The following BRAF variants were observed in gnomAD, a reference collection of about 807,000 sequenced individuals.
BRAF encodes serine/threonine-protein kinase B-raf.
BRAF carries 16 observed loss-of-function variants against 104.6 expected under a neutral mutation model. The observed-to-expected ratio is 0.15, with a 90% CI of 0.10 to 0.23. The LOEUF (loss-of-function observed/expected upper bound fraction) is 0.23, where lower values mean the gene tolerates loss of function less well. Among genes scored for constraint, BRAF ranks in the 10% least tolerant of loss-of-function variants. The probability of loss-of-function intolerance (pLI) is 1.00; values close to 1 mark genes in which losing one functional copy is unlikely to be tolerated. For synonymous variants in BRAF, 310 were observed against 341.6 expected (o/e 0.91, Z 1.02); for missense variants, 541 against 937.3 (o/e 0.58, Z 5.52).
chr7:140,713,821 C>G, the BRAF span, among the ~76,000 whole-genome samples: 1 of 152,170 alleles, frequency 6.6e-6, no homozygotes, highest in African/African-American at 2.4e-5. Context: ...AGTTTTCCTT[C>G]TAACAGACAG....
chr7:140,825,484 C>T (rs1049468151), intron 3 of BRAF, among the ~76,000 whole-genome samples: 1 of 152,102 alleles, frequency 6.6e-6, no homozygotes, highest in Admixed American at 6.5e-5. Context: ...GAAATCTTTG[C>T]CAAACCCCAG....
chr7:140,835,136 T>A, intron 2 of BRAF: 1 of 413,168 alleles, frequency 2.4e-6, no homozygotes, highest in South Asian at 3.9e-5. Context: ...CCATGAATAA[T>A]AAAAAAGCAC....
intron 5 of BRAF, among the ~76,000 whole-genome samples, chr7:140,804,476 T>A (rs1477125228): frequency 2.0e-5 from 3 of 151,874 alleles, no homozygotes; most frequent in African/African-American, 4.8e-5. Flanking sequence ...ATATTTTGTA[T>A]AAAACCAGTT....
intron 17 of BRAF, chr7:140,741,211 T>C (rs1796889191): frequency 6.6e-6 from 1 of 152,162 alleles, no homozygotes. Context: ...ATTCTAGATA[T>C]CATCTAATAC....
At chr7:140,832,951 G>C (rs139985011) in intron 3 of BRAF, among the ~76,000 whole-genome samples, 1,576 of 149,830 alleles carry the variant, frequency 0.011, 29 homozygotes, top group African/African-American at 0.036. Flanking sequence ...TCGGCTCACT[G>C]CAAGCTCCGC....
chr7:140,797,843 A>G (rs1802647033), intron 7 of BRAF, among the ~76,000 whole-genome samples: 1 of 152,164 alleles, frequency 6.6e-6, no homozygotes, highest in Admixed American at 6.5e-5. Flanking sequence ...TTAATTAAAA[A>G]CCAACCAAAT....
intron 14 of BRAF, among the ~76,000 whole-genome samples, chr7:140,765,197 G>A (rs1205172974): frequency 1.3e-5 from 2 of 152,168 alleles, no homozygotes; most frequent in Non-Finnish European, 2.9e-5. Context: ...AAGCAATGGG[G>A]AAAGGATTCC....
intron 1 of BRAF, among the ~76,000 whole-genome samples, chr7:140,861,003 G>T (rs1382926064): frequency 6.6e-6 from 1 of 152,032 alleles, no homozygotes. Flanking sequence ...AAAAGCTAGC[G>T]CTATATTTAT....
chr7:140,720,563 G>C lies in BRAF; in HGVS notation c.*5931C>G, dbSNP rs1795272143. The C allele has an allele frequency of 3.8e-6, 4 of 1,065,290 alleles. No homozygotes were observed. The South Asian group carries it at 1.8e-4, about 48-fold the overall frequency. The allele number at this position is 1,065,290 out of a possible 1,614,324, so 66.0% of individuals were successfully genotyped here. A position where few individuals can be genotyped will look rare whatever the true frequency, so the allele number is the denominator to read the frequency against. The stretch of plus-strand genomic sequence containing the variant: ...TCTTAAAAAAACCGTTCACAGCTTA[G>C]AATAAAAAGCATACTTATTGCACTC... On this transcript the variant is annotated 3_prime_UTR_variant, in exon 20 of 20. Transcript: ENST00000644969.
chr7:140,888,673 T>G (rs1813855971), intron 1 of BRAF, among the ~76,000 whole-genome samples: 1 of 151,962 alleles, frequency 6.6e-6, no homozygotes, highest in Non-Finnish European at 1.5e-5. Context: ...CTGTCTCTAC[T>G]AAAAGTACAA....
chr7:140,823,982 T>C (rs1805747810), intron 3 of BRAF: 1 of 152,210 alleles, frequency 6.6e-6, no homozygotes, highest in Non-Finnish European at 1.5e-5. Flanking sequence ...TCTGTTCAAG[T>C]CCTCTGCCCA....
chr7:140,749,186 A>G (rs1372035729), intron 17 of BRAF, 101 bp downstream of exon 16: 12 of 1,517,866 alleles, frequency 7.9e-6, no homozygotes, highest in Middle Eastern at 2.4e-4. Flanking sequence ...AAATCAAGAA[A>G]TCTATCCTTC....
chr7:140,914,071 T>C (rs1355100841), intron 1 of BRAF, among the ~76,000 whole-genome samples: 6 of 152,072 alleles, frequency 3.9e-5, no homozygotes, highest in African/African-American at 1.4e-4. Context: ...TATTGAACAT[T>C]CAAAACAAAA....
chr7:140,915,453 G>A (rs1274578528), intron 1 of BRAF, among the ~76,000 whole-genome samples: 9 of 145,942 alleles, frequency 6.2e-5, no homozygotes, highest in Admixed American at 4.1e-4. Flanking sequence ...TTTTTGACAC[G>A]GAGTTTCCCT....
intron 1 of BRAF, among the ~76,000 whole-genome samples, chr7:140,865,467 T>TA (rs1447170994): frequency 6.6e-6 from 1 of 152,194 alleles, no homozygotes; most frequent in Non-Finnish European, 1.5e-5. Flanking sequence ...GGTATACATT[T>TA]AAAGCACTAC....
chr7:140,855,281 A>C (rs1328086468), intron 1 of BRAF, among the ~76,000 whole-genome samples: 1 of 152,126 alleles, frequency 6.6e-6, no homozygotes, highest in Non-Finnish European at 1.5e-5. Flanking sequence ...ACAATCCTAA[A>C]AGGGAGATGA....
At chr7:140,719,305 C>T (rs1314696280), downstream of BRAF, 3 of 898,702 alleles carry the variant, frequency 3.3e-6, no homozygotes, top group Non-Finnish European at 2.7e-6. Context: ...TGAATGTAAT[C>T]GTGTTAGAAA....
At position 140,800,369 on chromosome 7, in the gene BRAF, A is replaced by G. The variant is rs1257895069; in HGVS notation, c.973T>C (p.Ser325Pro). The G allele has an allele frequency of 1.9e-6, 3 of 1,614,138 alleles. No homozygotes were observed. The highest frequency in any genetic ancestry group is 2.7e-5 in the African/African-American group (2 of 75,052). ...GCAGAAGTCAAACCATACCCAATAG[A>G]GTCCGAGGCGGGTGCGGAAGGGGAT... ...GSSPSAPASD[S>P]IGPQILTSPS... is the part of the protein sequence containing the mutation. The change falls in exon 7 of 20, where the codon TCT (serine) becomes CCT (proline). Residue 325 changes from serine to proline, a missense_variant. Ser to Pro is a moderately conservative substitution (Grantham distance 74). Around this residue, in one of 10 missense-constraint regions of BRAF, gnomAD observed 79 missense variants for 74.6 expected, o/e 1.06. Coordinates refer to ENST00000644969, the MANE Select transcript of BRAF (RefSeq NM_001374258.1).
At chr7:140,842,051 G>A (rs1323802296) in intron 2 of BRAF, among the ~76,000 whole-genome samples, 1 of 152,140 alleles carries the variant, frequency 6.6e-6, no homozygotes, top group Non-Finnish European at 1.5e-5. Context: ...ATAATGGACT[G>A]TTCTGCATTC....
Sources: allele counts gnomAD v4.1 joint callset (sites outside exome capture counted in the v4.1 genomes callset), GRCh38; gene constraint gnomAD v4.1.1; regional missense constraint gnomAD v4.1.1; transcripts MANE v1.5; gene names NCBI Gene and HGNC (gene_info 2026-07-23, HGNC 2026-07-21).